Variants in PCDH15 observed in about 807,000 individuals in gnomAD.
The protein encoded by PCDH15 is protocadherin-15.
A neutral mutation model predicts 178.5 loss-of-function variants in PCDH15; 129 were observed. The ratio of observed to expected loss-of-function variants is 0.72; its 90% CI spans 0.63 to 0.84. The LOEUF (loss-of-function observed/expected upper bound fraction) is 0.84, where lower values mean the gene tolerates loss of function less well. Ranked by LOEUF, PCDH15 falls within the 40% of genes least tolerant of loss-of-function variation. The pLI is 0.00. For synonymous variants in PCDH15, 800 were observed against 732.0 expected (o/e 1.09, Z -1.50); for missense variants, 2,230 against 2,099.9 (o/e 1.06, Z -1.21).
chr10:54,681,972 G>A (rs2094908800), intron 1 of PCDH15, among the ~76,000 whole-genome samples: 1 of 152,152 alleles, frequency 6.6e-6, no homozygotes, highest in African/African-American at 2.4e-5. Flanking sequence ...GTGGAAGTTT[G>A]CGGATGAGAA....
At chr10:55,500,874 C>G (rs1232543150) in intron 2 of PCDH15, among the ~76,000 whole-genome samples, 1 of 151,724 alleles carries the variant, frequency 6.6e-6, no homozygotes, top group African/African-American at 2.4e-5. Flanking sequence ...GATTAGTTGA[C>G]TCTTTATATG....
At chr10:55,509,030 T>C (rs1840821993) in intron 2 of PCDH15, among the ~76,000 whole-genome samples, 1 of 151,804 alleles carries the variant, frequency 6.6e-6, no homozygotes, top group South Asian at 2.1e-4. Context: ...ACACTTAATA[T>C]ACTATTGTGT....
At chr10:54,986,862 C>A (rs2131911394) in intron 2 of PCDH15, among the ~76,000 whole-genome samples, 1 of 152,184 alleles carries the variant, frequency 6.6e-6, no homozygotes, top group South Asian at 2.1e-4. Context: ...AGTTATCAAG[C>A]AATAATCTAT....
chr10:54,816,005 A>C (rs1305719829), intron 3 of PCDH15, among the ~76,000 whole-genome samples: 2 of 152,172 alleles, frequency 1.3e-5, no homozygotes, highest in East Asian at 1.9e-4. Flanking sequence ...TTAGTAATTA[A>C]GTTTGGGGAA....
intron 2 of PCDH15, among the ~76,000 whole-genome samples, chr10:54,651,658 C>A (rs576988968): frequency 6.6e-6 from 1 of 152,288 alleles, no homozygotes; most frequent in African/African-American, 2.4e-5. Context: ...TGAGGCATTA[C>A]CTTTTACAGC....
Position 55,513,099 on chromosome 10 carries a change from G to A in PCDH15, c.-156+114526C>T, listed in dbSNP as rs371679908. The A allele has an allele frequency of 2.6e-4, 40 of 152,236 alleles. No homozygotes were observed. The East Asian group carries it at 6.4e-3, about 24-fold the overall frequency. The allele number at this position is 152,236 out of a possible 1,614,324, so 9.4% of individuals were successfully genotyped here. A position where few individuals can be genotyped will look rare whatever the true frequency, so the allele number is the denominator to read the frequency against. The stretch of plus-strand genomic sequence containing the variant: ...GAGTAATAAGACGTAAAAAGTAATC[G>A]TTGAGCACATTTTAAGACAACGTGA... On this transcript the variant is annotated intron_variant, in intron 2 of 5. Coordinates refer to the PCDH15 transcript ENST00000613346.
intron 2 of PCDH15, among the ~76,000 whole-genome samples, chr10:54,966,511 C>G (rs2131889509): frequency 6.6e-6 from 1 of 152,150 alleles, no homozygotes; most frequent in East Asian, 1.9e-4. Flanking sequence ...GTATGTTACT[C>G]TACTGAATAC....
intron 15 of PCDH15, among the ~76,000 whole-genome samples, chr10:54,111,468 G>T (rs1331763928): frequency 6.6e-6 from 1 of 152,026 alleles, no homozygotes; most frequent in African/African-American, 2.4e-5. Context: ...AACAGGTTTA[G>T]AAATTGTAAG....
intron 3 of PCDH15, among the ~76,000 whole-genome samples, chr10:54,853,404 CA>C (rs1048425559): frequency 5.6e-5 from 5 of 89,810 alleles, no homozygotes; most frequent in African/African-American, 1.8e-4. Context: ...TATACACACA[CA>C]TATATATACA....
intron 10 of PCDH15, among the ~76,000 whole-genome samples, chr10:54,206,943 A>T (rs1377980666): frequency 6.6e-6 from 1 of 152,030 alleles, no homozygotes; most frequent in Non-Finnish European, 1.5e-5. Flanking sequence ...TGAACATTTT[A>T]CAATGTTTGG....
At chr10:53,808,860 T>C in intron 37 of PCDH15, 1 of 1,607,318 alleles carries the variant, frequency 6.2e-7, no homozygotes, top group Non-Finnish European at 8.5e-7. Flanking sequence ...TTTCCACACC[T>C]CCTTCCACCG....
chr10:55,557,012 C>A (rs79653122), intron 2 of PCDH15, among the ~76,000 whole-genome samples: 142 of 152,168 alleles, frequency 9.3e-4, no homozygotes, highest in African/African-American at 3.3e-3. Context: ...TTTATGAGTT[C>A]TCTGTATATT....
intron 2 of PCDH15, among the ~76,000 whole-genome samples, chr10:55,429,453 T>C (rs1489472977): frequency 6.6e-6 from 1 of 152,162 alleles, no homozygotes; most frequent in East Asian, 1.9e-4. Flanking sequence ...TCTGCTGTCA[T>C]GCTTATGTTA....
intron 1 of PCDH15, among the ~76,000 whole-genome samples, chr10:55,262,513 T>G (rs765880638): frequency 3.3e-5 from 5 of 152,114 alleles, no homozygotes; most frequent in Admixed American, 3.3e-4. Flanking sequence ...CATAAGCGGC[T>G]GAATATTGAG....
At chr10:53,841,584 A>G (rs1458739837) in intron 28 of PCDH15, among the ~76,000 whole-genome samples, 1 of 152,214 alleles carries the variant, frequency 6.6e-6, no homozygotes, top group Middle Eastern at 3.2e-3. Flanking sequence ...AGTGCATGCC[A>G]GGAGACACTA....
chr10:55,472,322 G>C lies in PCDH15; in HGVS notation c.-156+155303C>G, dbSNP rs544875501. ...CCAATTATGCTTTCAACTTAATCAGGAACATGTTGAGAATAATAAGTTTTT... is the reference window on the plus strand; with the variant it reads ...CCAATTATGCTTTCAACTTAATCAGCAACATGTTGAGAATAATAAGTTTTT... On this transcript the variant is annotated intron_variant, in intron 2 of 5. Coordinates refer to the PCDH15 transcript ENST00000613346. 2.0e-5 allele frequency among the ~76,000 whole-genome samples: 3 copies of C among 152,044 alleles called. No homozygotes were observed. In the South Asian group the frequency reaches 6.2e-4, roughly 32 times the overall value.
intron 2 of PCDH15, among the ~76,000 whole-genome samples, chr10:55,511,944 A>G (rs949155704): frequency 6.6e-6 from 1 of 151,976 alleles, no homozygotes; most frequent in Non-Finnish European, 1.5e-5. Context: ...ATTCTTAAGG[A>G]GATTTGGAGA....
intron 2 of PCDH15, among the ~76,000 whole-genome samples, chr10:55,330,007 T>A (rs1844156161): frequency 6.6e-6 from 1 of 151,838 alleles, no homozygotes; most frequent in South Asian, 2.1e-4. Context: ...GTAAATGACA[T>A]AATTGACATG....
At chr10:54,826,561 G>A (rs1236611553) in intron 3 of PCDH15, among the ~76,000 whole-genome samples, 5 of 151,756 alleles carry the variant, frequency 3.3e-5, no homozygotes, top group South Asian at 2.1e-4. Flanking sequence ...GTATATATAT[G>A]TATGTAATAT....
Sources: gnomAD v4.1 joint callset for allele counts (sites outside exome capture counted in the v4.1 genomes callset) on GRCh38, gnomAD v4.1.1 for gene constraint, MANE v1.5 for transcripts, NCBI Gene and HGNC (gene_info 2026-07-23, HGNC 2026-07-21) for gene names.